Variants in TNPO3 observed in about 807,000 individuals in gnomAD.
TNPO3 encodes the protein transportin 3.
A neutral mutation model predicts 122.8 loss-of-function variants in TNPO3; 65 were observed. The ratio of observed to expected loss-of-function variants is 0.53; its 90% CI spans 0.43 to 0.65. TNPO3 has a LOEUF of 0.65. Ranked by LOEUF, TNPO3 falls within the 30% of genes least tolerant of loss-of-function variation. The pLI, the probability that TNPO3 is intolerant of heterozygous loss-of-function variation, is 0.00. For missense variants in TNPO3, 850 were observed against 1,136.7 expected (o/e 0.75, Z 3.63); for synonymous variants, 372 against 411.2 (o/e 0.90, Z 1.15).
chr7:129,005,768 A>ATTTCT (rs1174878904), intron 4 of TNPO3, among the ~76,000 whole-genome samples: 11 of 145,222 alleles, frequency 7.6e-5, no homozygotes, highest in East Asian at 2.0e-4. Flanking sequence ...AGTTTCAGGT[A>ATTTCT]TTTCTTTTCT....
chr7:128,976,394 T>C (rs1368547576), intron 16 of TNPO3, among the ~76,000 whole-genome samples: 1 of 152,254 alleles, frequency 6.6e-6, no homozygotes, highest in East Asian at 1.9e-4. Context: ...AAACCTATTT[T>C]ATCTTTTAAG....
intron 20 of TNPO3, among the ~76,000 whole-genome samples, chr7:128,969,660 A>T (rs1042780936): frequency 1.3e-5 from 2 of 152,188 alleles, no homozygotes; most frequent in African/African-American, 4.8e-5. Flanking sequence ...GTGATAAAGG[A>T]TCTGGTTCAA....
intron 11 of TNPO3, 84 bp downstream of exon 11, chr7:128,989,877 A>T: frequency 1.3e-6 from 2 of 1,510,424 alleles, no homozygotes; most frequent in Non-Finnish European, 1.8e-6. Context: ...AACAGAAAGG[A>T]AAACACATGC....
At chr7:128,986,238 C>T (rs990517911) in intron 12 of TNPO3, among the ~76,000 whole-genome samples, 4 of 152,134 alleles carry the variant, frequency 2.6e-5, no homozygotes, top group South Asian at 2.1e-4. Context: ...CTATTAAGTC[C>T]GAGCCTCATC....
At chr7:128,962,257 C>T (rs1008149066) in intron 21 of TNPO3, among the ~76,000 whole-genome samples, 11 of 150,508 alleles carry the variant, frequency 7.3e-5, no homozygotes, top group African/African-American at 2.2e-4. Context: ...CCCAGCTACT[C>T]GGGAGGCTGA....
intron 8 of TNPO3, among the ~76,000 whole-genome samples, chr7:128,995,802 G>A (rs1202360683): frequency 6.6e-6 from 1 of 152,132 alleles, no homozygotes; most frequent in African/African-American, 2.4e-5. Flanking sequence ...GGGTTCAAGT[G>A]ATTCTCCTGC....
chr7:128,993,671 G>C, intron 9 of TNPO3, 136 bp downstream of exon 9: 1 of 699,094 alleles, frequency 1.4e-6, no homozygotes, highest in Non-Finnish European at 2.4e-6. Flanking sequence ...CAGGCAGTGT[G>C]CTAGGCACTT....
chr7:129,003,066 A>G (rs1282900894), intron 5 of TNPO3, among the ~76,000 whole-genome samples: 1 of 128,420 alleles, frequency 7.8e-6, no homozygotes, highest in African/African-American at 2.9e-5. Flanking sequence ...AAAAAAAAAT[A>G]CAAAAAATTA....
At chr7:129,001,429 T>G (rs1253076545) in intron 5 of TNPO3, among the ~76,000 whole-genome samples, 195 bp from the exon 6 acceptor site, 2 of 152,212 alleles carry the variant, frequency 1.3e-5, no homozygotes, top group East Asian at 3.8e-4. Context: ...TACATTGTAT[T>G]AGGTATTATA....
upstream of TNPO3, chr7:129,055,379 C>T: frequency 6.4e-6 from 1 of 156,510 alleles, no homozygotes; most frequent in Non-Finnish European, 1.4e-5. Flanking sequence ...TCCGACTGCC[C>T]CATCCCTCTC....
intron 18 of TNPO3, among the ~76,000 whole-genome samples, chr7:128,973,891 C>T (rs1798779238): frequency 6.6e-6 from 1 of 150,380 alleles, no homozygotes; most frequent in Non-Finnish European, 1.5e-5. Flanking sequence ...ATATTCAATC[C>T]TGCCAGGTAC....
rs568735749 is a variant in TNPO3 at position 128,981,679 on chromosome 7, C to T, written c.1859+569G>A. ...ATGATGATATATGTGAAAGTTTGGT[C>T]TTTTGGTCTCCACAGAACTGGAGAC... On this transcript the variant is annotated intron_variant, in intron 14 of 22. Transcript: ENST00000265388. 2.6e-5 allele frequency among the ~76,000 whole-genome samples: 4 copies of T among 151,082 alleles called. No homozygotes were observed. In the East Asian group the frequency reaches 7.8e-4, roughly 29 times the overall value.
chr7:129,016,945 T>A, intron 3 of TNPO3, 38 bp downstream of exon 3: 1 of 1,594,418 alleles, frequency 6.3e-7, no homozygotes, highest in South Asian at 1.1e-5. Flanking sequence ...TTAATGGCAA[T>A]TCCAAATGCT....
At chr7:129,031,885 C>T (rs1015112020) in intron 1 of TNPO3, among the ~76,000 whole-genome samples, 3 of 151,940 alleles carry the variant, frequency 2.0e-5, no homozygotes, top group Non-Finnish European at 2.9e-5. Flanking sequence ...TGGGGTGTTG[C>T]TATGTTGCCC....
chr7:129,005,255 C>A, intron 4 of TNPO3, 96 bp from the exon 5 acceptor site: 3 of 1,166,726 alleles, frequency 2.6e-6, no homozygotes, highest in Non-Finnish European at 3.5e-6. Context: ...AGAAAGATGG[C>A]AATAAAACAG....
intron 1 of TNPO3, 88 bp downstream of exon 1, chr7:129,054,563 C>T: frequency 6.4e-7 from 1 of 1,572,176 alleles, no homozygotes; most frequent in Non-Finnish European, 8.6e-7. Flanking sequence ...CTCACGAGGT[C>T]AACTGCCGGG....
chr7:128,964,849 G>A (rs951827401), intron 21 of TNPO3, among the ~76,000 whole-genome samples: 6 of 152,274 alleles, frequency 3.9e-5, no homozygotes, highest in African/African-American at 1.4e-4. Flanking sequence ...AGAAAGGACA[G>A]TCTTTTCAAC....
At chr7:128,991,731 G>A (rs1422062714) in intron 10 of TNPO3, among the ~76,000 whole-genome samples, 1 of 152,088 alleles carries the variant, frequency 6.6e-6, no homozygotes. Context: ...CTTTCACAAG[G>A]GAGCCTCAGT....
chr7:129,043,274 G>C, intron 1 of TNPO3, among the ~76,000 whole-genome samples: 1 of 151,484 alleles, frequency 6.6e-6, no homozygotes. Flanking sequence ...GTGATGGTGC[G>C]CACCTTTGGT....
Sources: allele counts gnomAD v4.1 joint callset (sites outside exome capture counted in the v4.1 genomes callset), GRCh38; gene constraint gnomAD v4.1.1; transcripts MANE v1.5; gene names NCBI Gene and HGNC (gene_info 2026-07-23, HGNC 2026-07-21).